LRP1B: variants seen among roughly 807,000 people sequenced by gnomAD.
LRP1B encodes the protein LDL receptor related protein 1B, also known as low-density lipoprotein receptor-related protein 1B.
In LRP1B, 217 loss-of-function variants were observed where a neutral mutation model predicts 556.6. That is an observed-to-expected ratio of 0.39 (90% CI 0.35 to 0.44). LRP1B has a LOEUF of 0.44. Ranked by LOEUF, LRP1B falls within the 20% of genes least tolerant of loss-of-function variation. LRP1B has a pLI of 1.00. For missense variants in LRP1B, 5,053 were observed against 5,620.8 expected (o/e 0.90, Z 3.23); for synonymous variants, 2,047 against 1,865.8 (o/e 1.10, Z -2.50).
chr2:141,143,672 G>A (rs1035075166), intron 7 of LRP1B, among the ~76,000 whole-genome samples: 9 of 152,020 alleles, frequency 5.9e-5, no homozygotes, highest in Non-Finnish European at 1.3e-4. Flanking sequence ...TCATTCATCA[G>A]AACTGCCTTT....
chr2:141,957,229 T>C (rs1207586401), intron 1 of LRP1B, among the ~76,000 whole-genome samples: 2 of 151,988 alleles, frequency 1.3e-5, no homozygotes, highest in African/African-American at 2.4e-5. Context: ...AGACAACTCA[T>C]GTATCTTTGC....
intron 1 of LRP1B, among the ~76,000 whole-genome samples, chr2:142,115,632 TTA>T (rs1187973092): frequency 7.2e-4 from 13 of 18,020 alleles, no homozygotes; most frequent in African/African-American, 1.7e-3. Flanking sequence ...AATATATATA[TTA>T]TATATGTAAT....
At chr2:140,511,619 A>G (rs1359768950) in intron 51 of LRP1B, among the ~76,000 whole-genome samples, 1 of 152,120 alleles carries the variant, frequency 6.6e-6, no homozygotes, top group Admixed American at 6.6e-5. Context: ...GGTCTTTTGC[A>G]ATATAAACAT....
At chr2:140,832,179 T>G (rs915287108) in intron 31 of LRP1B, among the ~76,000 whole-genome samples, 6 of 152,156 alleles carry the variant, frequency 3.9e-5, no homozygotes, top group African/African-American at 1.4e-4. Flanking sequence ...ATACAGGGTA[T>G]TCACAGGATG....
At chr2:140,554,854 A>ATGTGTGTGTG (rs1553485749) in intron 43 of LRP1B, among the ~76,000 whole-genome samples, 202 of 146,110 alleles carry the variant, frequency 1.4e-3, no homozygotes, top group African/African-American at 4.7e-3. Context: ...AAGTGTGTGT[A>ATGTGTGTGTG]TGTGTGTGTG....
At chr2:141,223,278 C>A (rs1410292868) in intron 6 of LRP1B, among the ~76,000 whole-genome samples, 1 of 152,120 alleles carries the variant, frequency 6.6e-6, no homozygotes, top group Non-Finnish European at 1.5e-5. Flanking sequence ...AATCAACTCC[C>A]ATTCACAATT....
intron 7 of LRP1B, among the ~76,000 whole-genome samples, chr2:141,128,340 G>A (rs915904714): frequency 6.6e-6 from 1 of 152,134 alleles, no homozygotes; most frequent in African/African-American, 2.4e-5. Context: ...GATAGTTCGA[G>A]ACACACTGTT....
chr2:141,898,825 A>G (rs1419478357), intron 1 of LRP1B, among the ~76,000 whole-genome samples: 1 of 152,116 alleles, frequency 6.6e-6, no homozygotes, highest in Non-Finnish European at 1.5e-5. Context: ...TTTGTTATAG[A>G]ATAAAGGGGT....
intron 25 of LRP1B, among the ~76,000 whole-genome samples, chr2:140,881,822 A>C (rs10496856): frequency 6.6e-6 from 1 of 151,856 alleles, no homozygotes; most frequent in Admixed American, 6.6e-5. Context: ...CACTGAAATC[A>C]TATTTGGTAT....
intron 37 of LRP1B, among the ~76,000 whole-genome samples, chr2:140,704,750 C>T (rs1313418543): frequency 6.6e-6 from 1 of 152,066 alleles, no homozygotes; most frequent in Non-Finnish European, 1.5e-5. Context: ...GCTTACCTGT[C>T]TAATCTGATT....
At chr2:140,597,256 G>T (rs1285408518) in intron 43 of LRP1B, among the ~76,000 whole-genome samples, 1 of 152,024 alleles carries the variant, frequency 6.6e-6, no homozygotes, top group Non-Finnish European at 1.5e-5. Flanking sequence ...TCTTTTAACT[G>T]TCAGAAAAAA....
intron 7 of LRP1B, among the ~76,000 whole-genome samples, chr2:141,104,240 G>A (rs1700547931): frequency 6.6e-6 from 1 of 151,996 alleles, no homozygotes; most frequent in African/African-American, 2.4e-5. Flanking sequence ...TATGGCATAT[G>A]TATCCCCTGT....
At chr2:141,582,196 A>G (rs1686976127) in intron 2 of LRP1B, among the ~76,000 whole-genome samples, 1 of 152,234 alleles carries the variant, frequency 6.6e-6, no homozygotes, top group Admixed American at 6.5e-5. Context: ...AAGTAAGGCT[A>G]TATTCCTGTC....
rs1279663433 is a variant in LRP1B, at chr2:140,526,221, T to C, written c.7876+16A>G. ...TGCCCAAGCATAAACAGACAAAAGG[T>C]AGTGGAATATCTTACTGCAGTTCTT... On this transcript the variant is annotated intron_variant, in intron 48 of 90. Coordinates refer to ENST00000389484, the MANE Select transcript of LRP1B (RefSeq NM_018557.3). 1.2e-6 allele frequency: 2 copies of C among 1,600,020 alleles called. No homozygotes were observed. The highest frequency in any genetic ancestry group is 1.7e-4 in the Middle Eastern group (1 of 6,020).
intron 2 of LRP1B, among the ~76,000 whole-genome samples, chr2:141,639,334 A>G (rs1689230378): frequency 3.5e-5 from 1 of 28,204 alleles, no homozygotes; most frequent in Non-Finnish European, 8.5e-5. Context: ...ATATATATAT[A>G]TATATATATA....
At chr2:141,716,028 CT>C (rs1692571508) in intron 2 of LRP1B, among the ~76,000 whole-genome samples, 1 of 152,112 alleles carries the variant, frequency 6.6e-6, no homozygotes, top group Non-Finnish European at 1.5e-5. Flanking sequence ...CATATCTTGC[CT>C]TTAGCAATGG....
chr2:140,539,753 G>C (rs185169092), intron 45 of LRP1B, among the ~76,000 whole-genome samples: 1 of 152,246 alleles, frequency 6.6e-6, no homozygotes, highest in East Asian at 1.9e-4. Context: ...CAAACTGAAA[G>C]AGTTTAAGCA....
At chr2:141,374,277 T>G (rs1212584328) in intron 3 of LRP1B, among the ~76,000 whole-genome samples, 1 of 152,170 alleles carries the variant, frequency 6.6e-6, no homozygotes, top group African/African-American at 2.4e-5. Context: ...TATAGGTGAC[T>G]AGATACTTTT....
intron 1 of LRP1B, among the ~76,000 whole-genome samples, chr2:141,999,238 G>A (rs1409677563): frequency 2.0e-5 from 3 of 151,936 alleles, no homozygotes; most frequent in Admixed American, 1.3e-4. Flanking sequence ...AGGCATGTCC[G>A]ACCCTCCCCT....
Sources: allele counts gnomAD v4.1 joint callset (sites outside exome capture counted in the v4.1 genomes callset), GRCh38; gene constraint gnomAD v4.1.1; transcripts MANE v1.5; gene names NCBI Gene and HGNC (gene_info 2026-07-23, HGNC 2026-07-21).